TMC3: variants seen among roughly 807,000 people sequenced by gnomAD.
The protein encoded by TMC3 is transmembrane channel-like protein 3.
Under a neutral mutation model 110.6 loss-of-function variants are expected in TMC3, and 98 were observed. The observed-to-expected ratio is 0.89, with a 90% CI of 0.75 to 1.05. TMC3 has a LOEUF of 1.05. Among genes scored for constraint, TMC3 ranks in the 50% least tolerant of loss-of-function variants. The pLI is 0.00. For synonymous variants in TMC3, 489 were observed against 513.1 expected, an observed-to-expected ratio of 0.95 and a Z score of 0.63; for missense variants, 1,319 against 1,373.2, an observed-to-expected ratio of 0.96 and a Z score of 0.62.
chr15:81,344,967 G>A lies in TMC3; in HGVS notation c.1317C>T (p.Thr439=). ...GGGCTGTCCTGGTTGCAAAGAAGGT[G>A]GTGGAATCTATCCAATGACTTGTGT... is the stretch of plus-strand genomic sequence containing the variant. ...KNNTSHWIDS[T]TFFATRTAPE... The change falls in exon 13 of 22, where the codon ACC becomes ACT. Residue 439 remains threonine, a synonymous_variant. Transcript: ENST00000359440. The A allele has an allele frequency of 6.2e-7, 1 of 1,605,032 alleles. No homozygotes were observed. The highest frequency in any genetic ancestry group is 8.5e-7 in the Non-Finnish European group (1 of 1,175,570).
intron 10 of TMC3, among the ~76,000 whole-genome samples, chr15:81,350,753 T>C (rs1893929451): frequency 6.6e-6 from 1 of 152,246 alleles, no homozygotes; most frequent in Non-Finnish European, 1.5e-5. Flanking sequence ...TTTTGTGCTA[T>C]TTCTGCCTTT....
rs376889456 is a variant in TMC3, at chr15:81,334,736, C to G, written c.2443G>C (p.Glu815Gln). Residue 815 changes from glutamate to glutamine, a missense_variant, in exon 21 of 22, where the codon GAG (glutamate) becomes CAG (glutamine). Physicochemically the swap from Glu to Gln is conservative, Grantham distance 29. Coordinates refer to ENST00000359440, the MANE Select transcript of TMC3 (RefSeq NM_001080532.3). ...GAGCCTCACCTGTTAGTTTCATGCT[C>G]TAGCCTGGATTTGGGGACCCCAGGG... ...PLPGVPKSRLEHETNRYLHGL... is the reference protein window; with the variant it reads ...PLPGVPKSRLQHETNRYLHGL... The G allele has an allele frequency of 5.0e-6, 8 of 1,613,784 alleles. No individual in the cohort carries two copies. In the African/African-American group the frequency reaches 6.7e-5, roughly 13 times the overall value.
intron 18 of TMC3, 72 bp downstream of exon 18, chr15:81,338,583 A>C: frequency 6.3e-7 from 1 of 1,576,282 alleles, no homozygotes; most frequent in African/African-American, 1.4e-5. Context: ...TTATGTAATT[A>C]TTGGAAAGCA....
intron 10 of TMC3, among the ~76,000 whole-genome samples, chr15:81,350,848 G>A (rs1034152671): frequency 9.2e-5 from 14 of 152,082 alleles, no homozygotes; most frequent in East Asian, 1.9e-4. Flanking sequence ...GTTCATAACC[G>A]TTCACTTGGT....
intron 7 of TMC3, among the ~76,000 whole-genome samples, chr15:81,357,027 A>G (rs1379017313): frequency 6.6e-6 from 1 of 151,942 alleles, no homozygotes; most frequent in Non-Finnish European, 1.5e-5. Flanking sequence ...TCTTTCCCAC[A>G]TTTCTTTAGA....
intron 2 of TMC3, 131 bp downstream of exon 2, chr15:81,372,460 G>C (rs1894458272): frequency 9.1e-7 from 1 of 1,097,664 alleles, no homozygotes; most frequent in East Asian, 2.5e-5. Context: ...TTGTGACTTT[G>C]CTAATTCAGG....
rs371870349 is a variant in TMC3, at chr15:81,345,029, G to A, written c.1273-18C>T. On this transcript the variant is annotated intron_variant, in intron 12 of 21. Transcript: ENST00000359440. ...GCCATTTCCTGGGGAGAGAGAGAGA[G>A]AGAGAGAGGGAAGCAGGGGAGAAAG... is the stretch of plus-strand genomic sequence containing the variant. The A allele has an allele frequency of 6.4e-7, 1 of 1,555,270 alleles. No individual in the cohort carries two copies. The highest frequency in any genetic ancestry group is 1.2e-5 in the South Asian group (1 of 84,370).
intron 16 of TMC3, among the ~76,000 whole-genome samples, chr15:81,340,868 G>C (rs1398632251): frequency 6.6e-6 from 1 of 152,176 alleles, no homozygotes; most frequent in Non-Finnish European, 1.5e-5. Context: ...AGAAATTGGG[G>C]TATATTTTCT....
chr15:81,366,983 A>G, intron 3 of TMC3, among the ~76,000 whole-genome samples: 1 of 152,244 alleles, frequency 6.6e-6, no homozygotes, highest in East Asian at 1.9e-4. Context: ...GAGACTAATA[A>G]TGGCGATATA....
At chr15:81,348,661 G>A (rs1893876785) in intron 11 of TMC3, among the ~76,000 whole-genome samples, 1 of 152,140 alleles carries the variant, frequency 6.6e-6, no homozygotes, top group South Asian at 2.1e-4. Context: ...TGTACTTTGG[G>A]GGAACTGTTC....
chr15:81,335,029 A>G (rs929535063), intron 20 of TMC3, 54 bp from the exon 21 acceptor site: 93 of 1,585,358 alleles, frequency 5.9e-5, no homozygotes, highest in Non-Finnish European at 7.9e-5. Flanking sequence ...GCAGGTGACA[A>G]CTTCAGATGA....
intron 7 of TMC3, 114 bp from the exon 8 acceptor site, chr15:81,356,708 C>G: frequency 8.4e-7 from 1 of 1,194,800 alleles, no homozygotes; most frequent in African/African-American, 1.5e-5. Flanking sequence ...TGGGTGGACG[C>G]AGCTCCTCGG....
At chr15:81,351,596 C>T in intron 10 of TMC3, 98 bp downstream of exon 10, 3 of 1,450,056 alleles carry the variant, frequency 2.1e-6, no homozygotes, top group Non-Finnish European at 2.8e-6. Context: ...AAGTGATCCA[C>T]CTGCCCCAGC....
chr15:81,343,885 A>C (rs1202637937), intron 14 of TMC3, 32 bp downstream of exon 14: 1 of 1,605,056 alleles, frequency 6.2e-7, no homozygotes, highest in East Asian at 2.2e-5. Flanking sequence ...TGGCCATATA[A>C]ACTTTCCCAA....
At chr15:81,371,933 A>G (rs1011510165) in intron 2 of TMC3, among the ~76,000 whole-genome samples, 23 of 152,292 alleles carry the variant, frequency 1.5e-4, no homozygotes, top group Middle Eastern at 3.4e-3. Context: ...TTCAACTTTA[A>G]AAAAGAAAAG....
chr15:81,362,233 T>C lies in TMC3; in HGVS notation c.381A>G (p.Ile127Met), dbSNP rs1024908883. Reference protein sequence around the residue: ...VVIFIPWEMRIKKIESHFGSG... With the variant: ...VVIFIPWEMRMKKIESHFGSG... ...GTAAATACTTACTCTCGATTTTCTT[T>C]ATCCTCATTTCCCAGGGAATGAAGA... is the stretch of plus-strand genomic sequence containing the variant. Residue 127 changes from isoleucine (I) to methionine (M), a missense_variant, in exon 4 of 22, where the codon ATA becomes ATG. Ile to Met is a conservative substitution (Grantham distance 10, BLOSUM62 1). Coordinates refer to ENST00000359440, the MANE Select transcript of TMC3 (RefSeq NM_001080532.3). The C allele has an allele frequency of 3.7e-6, 6 of 1,610,298 alleles. No homozygotes were observed. The highest frequency in any genetic ancestry group is 3.4e-5 in the Admixed American group (2 of 59,608).
In TMC3 at chr15:81,358,169, G is replaced by T; in HGVS notation, c.723C>A (p.Ser241Arg). 1 of 1,605,114 alleles carries T rather than the reference G, an allele frequency of 6.2e-7. No homozygotes were observed. Among genetic ancestry groups the T allele is most frequent in the Non-Finnish European group, 8.5e-7 (1 of 1,176,880 alleles). ...CATACTTTTTTAAAAGAATGATGAAGCTGTAAGCAAACACTGCCATCCCCA... is the reference window on the plus strand; with the variant it reads ...CATACTTTTTTAAAAGAATGATGAATCTGTAAGCAAACACTGCCATCCCCA... Reference protein sequence around the residue: ...FLVGMAVFAYSFIILLKKMAK... With the variant: ...FLVGMAVFAYRFIILLKKMAK... The change falls in exon 7 of 22, where the codon AGC (serine) becomes AGA (arginine). Residue 241 changes from serine to arginine, a missense_variant. Ser to Arg is a moderately radical substitution (Grantham distance 110). Transcript: ENST00000359440.
At position 81,333,039 on chromosome 15, in the gene TMC3, A is replaced by C; in HGVS notation, c.2683T>G (p.Ser895Ala). The C allele has an allele frequency of 6.2e-7, 1 of 1,613,862 alleles. No individual in the cohort carries two copies. Reference sequence around the variant, plus strand: ...ACATTTAGATGTTTTTTCTTGTAAGAGTCACATTCATTAATGACATAGTAT... The same window carrying C: ...ACATTTAGATGTTTTTTCTTGTAAGCGTCACATTCATTAATGACATAGTAT... The part of the protein sequence containing the change: ...PRYYVINECD[S>A]YKKKHLNVWP... Residue 895 changes from serine to alanine, a missense_variant, in exon 22 of 22, where the codon TCT (serine) becomes GCT (alanine). Transcript: ENST00000359440.
intron 2 of TMC3, among the ~76,000 whole-genome samples, chr15:81,372,300 A>G (rs1894450970): frequency 6.6e-6 from 1 of 151,486 alleles, no homozygotes. Flanking sequence ...CACCCCCAAC[A>G]CAGACACACA....
Sources: allele counts gnomAD v4.1 joint callset (sites outside exome capture counted in the v4.1 genomes callset), GRCh38; gene constraint gnomAD v4.1.1; transcripts MANE v1.5; gene names NCBI Gene and HGNC (gene_info 2026-07-23, HGNC 2026-07-21).